Variants in RBFOX1 observed in about 807,000 individuals in gnomAD.
The protein encoded by RBFOX1 is RNA binding fox-1 homolog 1, also known as RNA binding protein fox-1 homolog 1.
Under a neutral mutation model 57.7 loss-of-function variants are expected in RBFOX1, and 8 were observed. The ratio of observed to expected loss-of-function variants is 0.14; its 90% confidence interval spans 0.08 to 0.25. RBFOX1 has a LOEUF of 0.25. RBFOX1 is among the 10% of genes least tolerant of loss of function. RBFOX1 has a pLI of 1.00. For missense variants in RBFOX1, 611 were observed against 548.5 expected, an observed-to-expected ratio of 1.11 and a Z score of -1.14; for synonymous variants, 326 against 222.4, an observed-to-expected ratio of 1.47 and a Z score of -4.15.
chr16:7,037,067 C>G (rs1487236625), intron 3 of RBFOX1, among the ~76,000 whole-genome samples: 1 of 152,032 alleles, frequency 6.6e-6, no homozygotes, highest in South Asian at 2.1e-4. Flanking sequence ...ACCTTCGTCA[C>G]CATCTTGGTT....
intron 2 of RBFOX1, among the ~76,000 whole-genome samples, chr16:6,556,671 T>C (rs1040999229): frequency 2.0e-5 from 3 of 152,186 alleles, no homozygotes; most frequent in Non-Finnish European, 4.4e-5. Context: ...CCAAATTGTT[T>C]TGTTATAATC....
rs893812215 is a variant in RBFOX1 at position 5,809,365 on chromosome 16, C to G, written c.319-57938C>G. Among the ~76,000 whole-genome samples, 11 of 152,244 alleles carry G rather than the reference C, an allele frequency of 7.2e-5. No individual in the cohort carries two copies. In the East Asian group the frequency reaches 2.1e-3, roughly 29 times the overall value. On this transcript the variant is annotated intron_variant, in intron 3 of 19. Coordinates refer to the RBFOX1 transcript ENST00000641259. ...AAGAGCTTCTGGACAGCAAAAGAAACTGCTATCAGAGTGAACAGGCAGCCT... is the reference window on the plus strand; with the variant it reads ...AAGAGCTTCTGGACAGCAAAAGAAAGTGCTATCAGAGTGAACAGGCAGCCT...
In RBFOX1 at chr16:7,706,553, C is replaced by T. The variant is rs577104648; in HGVS notation, c.996-2503C>T. On this transcript the variant is annotated intron_variant, in intron 14 of 15. Transcript: ENST00000550418. The stretch of plus-strand genomic sequence containing the variant: ...TCTCCCCAGAAGAGGAAATTATTGC[C>T]ACAGTAAAACCATTTCCCCAATTTT... Among the ~76,000 whole-genome samples, 50 of 152,258 alleles carry T rather than the reference C, an allele frequency of 3.3e-4. No individual in the cohort carries two copies. In the South Asian group the frequency reaches 9.7e-3, roughly 30 times the overall value.
intron 3 of RBFOX1, among the ~76,000 whole-genome samples, chr16:6,891,333 G>C (rs921799466): frequency 6.6e-6 from 1 of 152,188 alleles, no homozygotes; most frequent in Non-Finnish European, 1.5e-5. Flanking sequence ...ACTTAGAGTA[G>C]TTAATCTACT....
At chr16:5,395,726 T>C (rs1175678642) in intron 1 of RBFOX1, among the ~76,000 whole-genome samples, 1 of 152,218 alleles carries the variant, frequency 6.6e-6, no homozygotes, top group Non-Finnish European at 1.5e-5. Flanking sequence ...CCTCTGATTA[T>C]GTTAAATAAA....
At position 6,423,650 on chromosome 16, in the gene RBFOX1, A is replaced by C. The variant is rs1390606621; in HGVS notation, c.-64+106593A>C. ...AAGTATGTCAAGTATGTCTTCCTAC[A>C]CAGGGGAGCAGAGAAAGACCAAGAG... On this transcript the variant is annotated intron_variant, in intron 2 of 15. Coordinates refer to ENST00000550418, the MANE Select transcript of RBFOX1 (RefSeq NM_018723.4). Among the ~76,000 whole-genome samples the C allele has an allele frequency of 4.6e-5, 7 of 152,270 alleles. No homozygotes were observed. In the South Asian group the frequency reaches 1.0e-3, roughly 23 times the overall value.
At chr16:5,978,706 TAA>T (rs1451755332) in intron 4 of RBFOX1, among the ~76,000 whole-genome samples, 4 of 152,020 alleles carry the variant, frequency 2.6e-5, no homozygotes, top group Non-Finnish European at 5.9e-5. Flanking sequence ...GTTGTTTTTT[TAA>T]ATGATGACAG....
In RBFOX1 at chr16:6,720,610, G is replaced by T. The variant is rs117461192; in HGVS notation, c.-16+65960G>T. Among the ~76,000 whole-genome samples the T allele has an allele frequency of 2.6e-5, 4 of 152,164 alleles. No individual in the cohort carries two copies. In the East Asian group the frequency reaches 5.8e-4, roughly 22 times the overall value. ...GAGAAACAGAAGTGAGAGGGGTGCT[G>T]CTGGAGAATAGTTGGGGAGAAAGAG... On this transcript the variant is annotated intron_variant, in intron 3 of 15. Coordinates refer to ENST00000550418, the MANE Select transcript of RBFOX1 (RefSeq NM_018723.4).
Position 6,851,926 on chromosome 16 carries a change from G to T in RBFOX1, c.-16+197276G>T, listed in dbSNP as rs956899714. 5.8e-4 allele frequency among the ~76,000 whole-genome samples: 83 copies of T among 143,602 alleles called. No homozygotes were observed. The East Asian group carries it at 0.014, about 25-fold the overall frequency. The allele number at this position is 143,602 out of a possible 152,430, so 94.2% of individuals were successfully genotyped here. ...AGTACGGTGTATTAGTTTCCATTGG[G>T]TTTTTTTTTTTTTTCTTTTTTTGAG... is the stretch of plus-strand genomic sequence containing the variant. On this transcript the variant is annotated intron_variant, in intron 3 of 15. Coordinates refer to ENST00000550418, the MANE Select transcript of RBFOX1 (RefSeq NM_018723.4).
intron 3 of RBFOX1, among the ~76,000 whole-genome samples, chr16:5,854,109 T>C (rs1293066730): frequency 6.6e-6 from 1 of 152,210 alleles, no homozygotes; most frequent in Non-Finnish European, 1.5e-5. Context: ...GATATGCACA[T>C]GTATTGGGAA....
intron 4 of RBFOX1, among the ~76,000 whole-genome samples, chr16:7,065,289 G>A (rs2881358): frequency 0.58 from 87,722 of 151,928 alleles, 25,643 homozygotes; most frequent in South Asian, 0.68. Context: ...GGTCCTTTTA[G>A]GGATGATCTG....
chr16:6,149,203 G>A (rs901725417), intron 1 of RBFOX1, among the ~76,000 whole-genome samples: 1 of 152,240 alleles, frequency 6.6e-6, no homozygotes, highest in Non-Finnish European at 1.5e-5. Context: ...AGTTCTTTGT[G>A]TGTGTATGTG....
chr16:7,698,328 A>G (rs1250239009), intron 14 of RBFOX1, among the ~76,000 whole-genome samples: 2 of 152,038 alleles, frequency 1.3e-5, no homozygotes, highest in Admixed American at 6.6e-5. Flanking sequence ...TTTTCATCTC[A>G]GTTCCTGATG....
intron 2 of RBFOX1, among the ~76,000 whole-genome samples, chr16:6,447,533 G>C (rs1398702064): frequency 6.6e-6 from 1 of 152,182 alleles, no homozygotes; most frequent in African/African-American, 2.4e-5. Context: ...GCTTGGCGGA[G>C]GTTGTCTGTC....
intron 2 of RBFOX1, among the ~76,000 whole-genome samples, chr16:6,336,975 G>A (rs1392562785): frequency 6.6e-6 from 1 of 152,166 alleles, no homozygotes; most frequent in East Asian, 1.9e-4. Flanking sequence ...TTGTGATCCA[G>A]AGCAGTTTAC....
At chr16:6,930,869 T>A (rs1437828954) in intron 3 of RBFOX1, among the ~76,000 whole-genome samples, 3 of 152,146 alleles carry the variant, frequency 2.0e-5, no homozygotes, top group Admixed American at 2.0e-4. Context: ...TGTAATAGCA[T>A]GTTCCTATCC....
At chr16:6,533,204 A>G (rs1164877929) in intron 2 of RBFOX1, among the ~76,000 whole-genome samples, 3 of 152,232 alleles carry the variant, frequency 2.0e-5, no homozygotes, top group African/African-American at 7.2e-5. Flanking sequence ...TTGTGGACAG[A>G]TCAACTATAG....
chr16:6,487,405 G>A (rs1183674886), intron 2 of RBFOX1, among the ~76,000 whole-genome samples: 2 of 151,840 alleles, frequency 1.3e-5, no homozygotes, highest in Admixed American at 6.6e-5. Flanking sequence ...TTTCTTGTTT[G>A]CTTATGATGT....
intron 4 of RBFOX1, among the ~76,000 whole-genome samples, chr16:7,367,930 C>G (rs923324547): frequency 1.3e-5 from 2 of 151,204 alleles, no homozygotes; most frequent in African/African-American, 4.9e-5. Flanking sequence ...TACACATGAT[C>G]AAACACATCA....
Sources: allele counts gnomAD v4.1 joint callset (sites outside exome capture counted in the v4.1 genomes callset), GRCh38; gene constraint gnomAD v4.1.1; transcripts MANE v1.5; gene names NCBI Gene and HGNC (gene_info 2026-07-23, HGNC 2026-07-21).